PTPRD: variants seen among roughly 807,000 people sequenced by gnomAD.
PTPRD encodes receptor-type tyrosine-protein phosphatase delta.
PTPRD carries 34 observed loss-of-function variants against 214.5 expected under a neutral mutation model. That is an observed-to-expected ratio of 0.16 (90% confidence interval 0.12 to 0.21). PTPRD has a LOEUF of 0.21. Ranked by LOEUF, PTPRD falls within the 10% of genes least tolerant of loss-of-function variation. The pLI is 1.00. For synonymous variants in PTPRD, 1,128 were observed against 845.7 expected (o/e 1.33, Z -5.79); for missense variants, 2,545 against 2,398.7 (o/e 1.06, Z -1.27).
rs916860703 is a variant in PTPRD at position 8,316,980 on chromosome 9, T to C, written c.*894A>G. ...CCCTTATAAAATATGGATATATATG[T>C]ATATATGTTAGCAGCAACTTTATAC... On this transcript the variant is annotated 3_prime_UTR_variant, in exon 46 of 46. Transcript: ENST00000381196. 4.3e-6 allele frequency: 1 copy of C among 231,508 alleles called. No individual in the cohort carries two copies. The highest frequency in any genetic ancestry group is 8.6e-6 in the Non-Finnish European group (1 of 116,766). 14.3% of individuals were successfully genotyped at this position (231,508 alleles called of 1,614,324 possible). A position where few individuals can be genotyped will look rare whatever the true frequency, so the allele number is the denominator to read the frequency against.
chr9:9,504,327 T>C lies in PTPRD; in HGVS notation c.-237+70405A>G, dbSNP rs115729462. Among the ~76,000 whole-genome samples, 1,008 of 151,806 alleles carry C rather than the reference T, an allele frequency of 6.6e-3. 10 individuals carry two copies. The highest frequency in any genetic ancestry group is 0.023 in the African/African-American group (960 of 41,494). ...ATTGCTCAAATATGACCACAAAATATTCCAGATATAGAGATTTCATAGTCC... is the reference window on the plus strand; with the variant it reads ...ATTGCTCAAATATGACCACAAAATACTCCAGATATAGAGATTTCATAGTCC... On this transcript the variant is annotated intron_variant, in intron 8 of 45. Transcript: ENST00000381196.
chr9:8,786,033 TTG>T (rs34200290), intron 11 of PTPRD, among the ~76,000 whole-genome samples: 15,020 of 143,026 alleles, frequency 0.11, 2,166 homozygotes, highest in African/African-American at 0.35. Flanking sequence ...GCTTAATTTG[TTG>T]TGTGTGTGTG....
chr9:10,294,416 A>G (rs1010239648), intron 3 of PTPRD, among the ~76,000 whole-genome samples: 1 of 151,954 alleles, frequency 6.6e-6, no homozygotes, highest in Non-Finnish European at 1.5e-5. Flanking sequence ...ACCATTAAAA[A>G]CAATTATTTT....
intron 6 of PTPRD, among the ~76,000 whole-genome samples, chr9:9,746,187 G>C (rs1287318781): frequency 6.6e-6 from 1 of 152,078 alleles, no homozygotes; most frequent in Non-Finnish European, 1.5e-5. Flanking sequence ...TTATTCTTAA[G>C]AGGTATGTTG....
At chr9:9,282,040 A>C (rs908193004) in intron 9 of PTPRD, among the ~76,000 whole-genome samples, 1 of 151,372 alleles carries the variant, frequency 6.6e-6, no homozygotes, top group Non-Finnish European at 1.5e-5. Context: ...CACCTATATA[A>C]ATTTCTAGAA....
chr9:8,869,076 CAAA>C (rs2098248880), intron 11 of PTPRD, among the ~76,000 whole-genome samples: 1 of 151,612 alleles, frequency 6.6e-6, no homozygotes, highest in Non-Finnish European at 1.5e-5. Flanking sequence ...AGAAGAGAAA[CAAA>C]AAAAGAAAGA....
chr9:8,833,711 T>TACACACAC lies in PTPRD; in HGVS notation c.-103-99766_-103-99765insGTGTGTGT, dbSNP rs1234155614. On this transcript the variant is annotated intron_variant, in intron 11 of 45. Transcript: ENST00000381196. ...TCCTCTCTCTCTCTCTATATATATA[T>TACACACAC]ATATACACACACACACACACACACA... 4.0e-3 allele frequency among the ~76,000 whole-genome samples: 544 copies of TACACACAC among 137,546 alleles called. 4 individuals carry two copies. The highest frequency in any genetic ancestry group is 0.012 in the African/African-American group (428 of 37,054). 90.2% of individuals were successfully genotyped at this position (137,546 alleles called of 152,430 possible).
intron 7 of PTPRD, among the ~76,000 whole-genome samples, chr9:9,636,906 C>T (rs574345079): frequency 1.3e-5 from 2 of 152,158 alleles, no homozygotes; most frequent in East Asian, 1.9e-4. Context: ...GTAAGGGGGG[C>T]GAGTCTCTGC....
intron 36 of PTPRD, among the ~76,000 whole-genome samples, chr9:8,395,407 T>C (rs554364410): frequency 6.6e-6 from 1 of 151,510 alleles, no homozygotes; most frequent in Non-Finnish European, 1.5e-5. Context: ...CTAATAAACA[T>C]TTACAAGCAA....
intron 5 of PTPRD, among the ~76,000 whole-genome samples, chr9:9,863,675 T>C (rs1385187605): frequency 6.6e-6 from 1 of 152,124 alleles, no homozygotes; most frequent in East Asian, 1.9e-4. Flanking sequence ...GTGACCCTCT[T>C]ACGTCACTGA....
rs529079523 is a variant in PTPRD, at chr9:8,365,076, C to T, written c.4661+10860G>A. Among the ~76,000 whole-genome samples, 4 of 152,022 alleles carry T rather than the reference C, an allele frequency of 2.6e-5. No homozygotes were observed. The South Asian group carries it at 8.3e-4, about 32-fold the overall frequency. On this transcript the variant is annotated intron_variant, in intron 39 of 45. Transcript: ENST00000381196. ...TCTGAAGACTTGAGTCCAGCAGAAG[C>T]CTATGGGAAAGCTGTCAACCTCATT...
rs144015767 is a variant in PTPRD, at chr9:8,685,258, G to GA, written c.65-48415dup. ...AAGAAGTGCATAAATGTAGAAAGCAGAAAAAAAAAAAAGGTACATTATATT... is the reference window on the plus strand; with the variant it reads ...AAGAAGTGCATAAATGTAGAAAGCAGAAAAAAAAAAAAAGGTACATTATATT... On this transcript the variant is annotated intron_variant, in intron 12 of 45. Coordinates refer to ENST00000381196, the MANE Select transcript of PTPRD (RefSeq NM_002839.4). Among the ~76,000 whole-genome samples, 341 of 137,154 alleles carry GA rather than the reference G, an allele frequency of 2.5e-3. 3 individuals carry two copies. The highest frequency in any genetic ancestry group is 6.6e-3 in the African/African-American group (254 of 38,222). 90.0% of individuals were successfully genotyped at this position (137,154 alleles called of 152,430 possible).
At chr9:8,713,973 C>T (rs1033140461) in intron 12 of PTPRD, 5 of 607,056 alleles carry the variant, frequency 8.2e-6, no homozygotes, top group African/African-American at 5.6e-5. Flanking sequence ...GACCTTGGTA[C>T]ACAGTGACTC....
intron 2 of PTPRD, among the ~76,000 whole-genome samples, chr9:10,542,735 T>TTA (rs1443342621): frequency 9.9e-5 from 15 of 152,208 alleles, no homozygotes; most frequent in South Asian, 2.1e-4. Flanking sequence ...TTTATTTTTT[T>TTA]GAGACAGAGT....
At chr9:10,032,215 GT>G (rs918996852) in intron 4 of PTPRD, among the ~76,000 whole-genome samples, 2 of 152,096 alleles carry the variant, frequency 1.3e-5, no homozygotes, top group Non-Finnish European at 2.9e-5. Flanking sequence ...GGGTTAAATG[GT>G]TTCTTACTAT....
intron 10 of PTPRD, among the ~76,000 whole-genome samples, chr9:9,087,251 G>T (rs2099768396): frequency 6.6e-6 from 1 of 152,106 alleles, no homozygotes; most frequent in African/African-American, 2.4e-5. Context: ...GCAGAGATTT[G>T]GTCCTTGGCC....
At chr9:8,922,884 C>T (rs549072682) in intron 11 of PTPRD, among the ~76,000 whole-genome samples, 36 of 150,464 alleles carry the variant, frequency 2.4e-4, no homozygotes, top group African/African-American at 8.1e-4. Context: ...GGGATGGTCT[C>T]GATCTCCTGA....
chr9:10,260,956 GTGTGTGTATATATATA>G (rs1029101179), intron 3 of PTPRD, among the ~76,000 whole-genome samples: 16 of 147,960 alleles, frequency 1.1e-4, no homozygotes, highest in Admixed American at 2.0e-4. Flanking sequence ...ATATACATGT[GTGTGTGTATATATATA>G]TGTGTGTATA....
chr9:9,703,758 G>T (rs921186760), intron 7 of PTPRD, among the ~76,000 whole-genome samples: 1 of 151,884 alleles, frequency 6.6e-6, no homozygotes, highest in East Asian at 1.9e-4. Flanking sequence ...TAGAAATCAG[G>T]GAGATTAATA....
Sources: gnomAD v4.1 joint callset for allele counts (sites outside exome capture counted in the v4.1 genomes callset) on GRCh38, gnomAD v4.1.1 for gene constraint, MANE v1.5 for transcripts, NCBI Gene and HGNC (gene_info 2026-07-23, HGNC 2026-07-21) for gene names.